Variants in FSTL1 observed in about 807,000 individuals in gnomAD.
The protein encoded by FSTL1 is follistatin like 1, also known as follistatin-related protein 1.
In FSTL1, 24 loss-of-function variants were observed where a neutral mutation model predicts 45.9. That is an observed-to-expected ratio of 0.52 (90% CI 0.38 to 0.74). FSTL1 has a LOEUF of 0.74. FSTL1 is among the 30% of genes least tolerant of loss of function. The pLI is 0.00. For missense variants in FSTL1, 340 were observed against 381.8 expected, an observed-to-expected ratio of 0.89 and a Z score of 0.91; for synonymous variants, 120 against 137.6, an observed-to-expected ratio of 0.87 and a Z score of 0.89.
intron 2 of FSTL1, among the ~76,000 whole-genome samples, chr3:120,417,630 T>A (rs1168680090): frequency 6.6e-6 from 1 of 152,176 alleles, no homozygotes; most frequent in African/African-American, 2.4e-5. Context: ...ATCAAGGATA[T>A]TCTCCAGGCA....
chr3:120,399,906 C>A lies in FSTL1; in HGVS notation c.859G>T (p.Val287Phe). Residue 287 changes from valine (V) to phenylalanine (F), a missense_variant, in exon 10 of 11, where the codon GTC becomes TTC. Val to Phe is a conservative substitution (Grantham distance 50). Transcript: ENST00000295633. Reference sequence around the variant, plus strand: ...ACCTGATGCTTTTGGAGCTCCTGGACATATCTGGTCATCTCCTCCTCTGTC... The same window carrying A: ...ACCTGATGCTTTTGGAGCTCCTGGAAATATCTGGTCATCTCCTCCTCTGTC... The part of the protein sequence containing the change: ...TQTEEEMTRY[V>F]QELQKHQETA... 2 of 1,607,828 alleles carry A rather than the reference C, an allele frequency of 1.2e-6. No individual in the cohort carries two copies. The highest frequency in any genetic ancestry group is 1.7e-6 in the Non-Finnish European group (2 of 1,176,820).
At chr3:120,397,083 C>T in intron 10 of FSTL1, 87 bp from the exon 11 acceptor site, 1 of 1,040,942 alleles carries the variant, frequency 9.6e-7, no homozygotes, top group Non-Finnish European at 1.5e-6. Context: ...ATAGCATTGG[C>T]ATTTACAAGC....
chr3:120,412,803 CAAACACACACACATGT>C (rs1937084258), intron 3 of FSTL1, among the ~76,000 whole-genome samples: 5 of 148,464 alleles, frequency 3.4e-5, no homozygotes, highest in Non-Finnish European at 5.9e-5. Flanking sequence ...GGCAGGCAGG[CAAACACACACACATGT>C]GCGCGCGCGC....
chr3:120,399,460 C>T (rs979354143), intron 10 of FSTL1, among the ~76,000 whole-genome samples: 2 of 152,204 alleles, frequency 1.3e-5, no homozygotes, highest in African/African-American at 4.8e-5. Context: ...GTGCTGACTA[C>T]ATACCAGGCC....
Position 120,396,539 on chromosome 3 carries a change from C to G in FSTL1, c.*413G>C, listed in dbSNP as rs768226131. 1 of 163,320 alleles carries G rather than the reference C, an allele frequency of 6.1e-6. No homozygotes were observed. Among genetic ancestry groups the G allele is most frequent in the Non-Finnish European group, 1.3e-5 (1 of 75,234 alleles). 10.1% of individuals were successfully genotyped at this position (163,320 alleles called of 1,614,324 possible). On this transcript the variant is annotated 3_prime_UTR_variant, in exon 11 of 11. Transcript: ENST00000295633. Reference sequence around the variant, plus strand: ...ATGGAAAGAGGCTGGAAGCAGAGAGCGTTCCTCTCCGTGGAGCTTCCCAAA... The same window carrying G: ...ATGGAAAGAGGCTGGAAGCAGAGAGGGTTCCTCTCCGTGGAGCTTCCCAAA...
intron 2 of FSTL1, among the ~76,000 whole-genome samples, chr3:120,436,177 C>G (rs1312207766): frequency 1.3e-5 from 2 of 152,090 alleles, no homozygotes; most frequent in African/African-American, 2.4e-5. Context: ...AACACAAAGA[C>G]TCTTCTCCAA....
chr3:120,430,287 G>C (rs1235969415), intron 2 of FSTL1, among the ~76,000 whole-genome samples: 1 of 152,162 alleles, frequency 6.6e-6, no homozygotes, highest in Admixed American at 6.5e-5. Flanking sequence ...CATTGACTCA[G>C]GCTGGTGGTG....
chr3:120,432,777 G>T (rs539537568), intron 2 of FSTL1, among the ~76,000 whole-genome samples: 1 of 152,176 alleles, frequency 6.6e-6, no homozygotes, highest in Non-Finnish European at 1.5e-5. Context: ...GTATGCTATG[G>T]TAAGTCCGGG....
At chr3:120,406,697 G>T (rs1412945291) in intron 6 of FSTL1, among the ~76,000 whole-genome samples, 2 of 152,154 alleles carry the variant, frequency 1.3e-5, no homozygotes, top group African/African-American at 4.8e-5. Context: ...ATGCCTGGGG[G>T]GTCTGCCTGT....
Position 120,402,916 on chromosome 3 carries a change from A to C in FSTL1, c.697T>G (p.Cys233Gly). 1 of 1,595,510 alleles carries C rather than the reference A, an allele frequency of 6.3e-7. No homozygotes were observed. The highest frequency in any genetic ancestry group is 8.6e-7 in the Non-Finnish European group (1 of 1,163,284). ...GCATACGTTTCATCCTCCAGGGCAC[A>C]CTCTGTTGGGCCAGAAATACGGGGC... ...NPSFNPPEKK[C>G]ALEDETYADG... Residue 233 changes from cysteine (C) to glycine (G), a missense_variant and splice_region_variant, in exon 9 of 11, where the codon TGT becomes GGT. Transcript: ENST00000295633.
chr3:120,405,884 T>C (rs1487014488), intron 6 of FSTL1, among the ~76,000 whole-genome samples: 5 of 152,164 alleles, frequency 3.3e-5, no homozygotes, highest in African/African-American at 4.8e-5. Context: ...CAAATTTCAA[T>C]AACATTTTCC....
At chr3:120,418,972 GA>G (rs1269604623) in intron 2 of FSTL1, 1 of 152,218 alleles carries the variant, frequency 6.6e-6, no homozygotes, top group African/African-American at 2.4e-5. Flanking sequence ...ATAGAGAACA[GA>G]AGGACTCACT....
At chr3:120,450,622 C>G in intron 2 of FSTL1, 62 bp downstream of exon 2, 1 of 1,175,188 alleles carries the variant, frequency 8.5e-7, no homozygotes, top group South Asian at 1.6e-5. Flanking sequence ...CGCCCACCCG[C>G]CCAGCGCGCA....
Position 120,450,877 on chromosome 3 carries a change from G to C in FSTL1, c.-1+20C>G, listed in dbSNP as rs980439522. Reference sequence around the variant, plus strand: ...GCCGCCCGAAGAGTCCGGCCTCCGCGCCGTGCGCCCTGCGCTCACCGTGGT... The same window carrying C: ...GCCGCCCGAAGAGTCCGGCCTCCGCCCCGTGCGCCCTGCGCTCACCGTGGT... On this transcript the variant is annotated intron_variant, in intron 1 of 10. Transcript: ENST00000295633. The C allele has an allele frequency of 5.1e-6, 3 of 587,160 alleles. No homozygotes were observed. Among genetic ancestry groups the C allele is most frequent in the Non-Finnish European group, 8.5e-6 (3 of 352,594 alleles). 36.4% of individuals were successfully genotyped at this position (587,160 alleles called of 1,614,324 possible).
chr3:120,434,750 G>C (rs1252644421), intron 2 of FSTL1, among the ~76,000 whole-genome samples: 2 of 152,088 alleles, frequency 1.3e-5, no homozygotes, highest in East Asian at 3.8e-4. Flanking sequence ...CCGTTCCTTG[G>C]AATTCAAGCC....
chr3:120,416,885 G>A (rs1937196043), intron 2 of FSTL1, among the ~76,000 whole-genome samples: 1 of 152,220 alleles, frequency 6.6e-6, no homozygotes, highest in Non-Finnish European at 1.5e-5. Flanking sequence ...CTGAGAATGT[G>A]GGGGTATTGA....
In FSTL1 at chr3:120,404,861, C is replaced by A. The variant is rs768419039; in HGVS notation, c.573G>T (p.Lys191Asn). The A allele has an allele frequency of 1.3e-6, 2 of 1,515,770 alleles. No individual in the cohort carries two copies. The highest frequency in any genetic ancestry group is 1.4e-5 in the African/African-American group (1 of 73,012). 93.9% of individuals were successfully genotyped at this position (1,515,770 alleles called of 1,614,324 possible). A position where few individuals can be genotyped will look rare whatever the true frequency, so the allele number is the denominator to read the frequency against. The change falls in exon 7 of 11, where the codon AAG becomes AAT. Residue 191 changes from lysine (K) to asparagine (N), a missense_variant. Physicochemically the swap from Lys to Asn is moderately conservative, Grantham distance 94 (BLOSUM62 0). Transcript: ENST00000295633. ...ITTYPDQENN[K>N]LLRGLCVDAL... ...CTCTCGGTTCCTCTCACCTAAGCAA[C>A]TTGTTGTTCTCCTGGTCTGGATACG...
At chr3:120,402,969 G>A (rs1299867809) in intron 8 of FSTL1, 51 bp from the exon 9 acceptor site, 4 of 1,178,708 alleles carry the variant, frequency 3.4e-6, no homozygotes, top group South Asian at 1.2e-5. Context: ...GGTGGAACAG[G>A]GCATCTTTGC....
intron 2 of FSTL1, among the ~76,000 whole-genome samples, chr3:120,437,276 G>C (rs947965698): frequency 6.6e-6 from 1 of 152,120 alleles, no homozygotes; most frequent in African/African-American, 2.4e-5. Context: ...GTTGGCTGTG[G>C]GATTAGGGAG....
Sources: gnomAD v4.1 joint callset for allele counts (sites outside exome capture counted in the v4.1 genomes callset) on GRCh38, gnomAD v4.1.1 for gene constraint, MANE v1.5 for transcripts, NCBI Gene and HGNC (gene_info 2026-07-23, HGNC 2026-07-21) for gene names.